The following TPR variants were observed in gnomAD, a reference collection of about 807,000 sequenced individuals.
TPR encodes nucleoprotein TPR.
A neutral mutation model predicts 316.1 loss-of-function variants in TPR; 51 were observed. That is an observed-to-expected ratio of 0.16 (90% confidence interval 0.13 to 0.20). The LOEUF is 0.20. Ranked by LOEUF, TPR falls within the 10% of genes least tolerant of loss-of-function variation. TPR has a pLI of 1.00. For synonymous variants in TPR, 981 were observed against 914.7 expected, an observed-to-expected ratio of 1.07 and a Z score of -1.31; for missense variants, 2,272 against 2,754.8, an observed-to-expected ratio of 0.82 and a Z score of 3.92.
Position 186,356,398 on chromosome 1 carries a change from T to G in TPR, c.1776A>C (p.Gln592His), listed in dbSNP as rs1370980258. ...TTTGATGCTGTCGTGATTTGCGGAG[T>G]TGTTCTAGTTCAGTAAGGGCACTCT... ...KLESALTELE[Q>H]LRKSRQHQMQ... The change falls in exon 15 of 51, where the codon CAA (glutamine) becomes CAC (histidine). Residue 592 changes from glutamine to histidine, a missense_variant. Physicochemically the swap from Gln to His is conservative, Grantham distance 24. Coordinates refer to ENST00000367478, the MANE Select transcript of TPR (RefSeq NM_003292.3). 1.2e-6 allele frequency: 2 copies of G among 1,613,594 alleles called. No individual in the cohort carries two copies. The highest frequency in any genetic ancestry group is 8.5e-7 in the Non-Finnish European group (1 of 1,179,792).
At position 186,358,869 on chromosome 1, in the gene TPR, A is replaced by T. The variant is rs1258451305; in HGVS notation, c.1390-219T>A. Among the ~76,000 whole-genome samples, 4 of 152,250 alleles carry T rather than the reference A, an allele frequency of 2.6e-5. No individual in the cohort carries two copies. The East Asian group carries it at 7.7e-4, about 29-fold the overall frequency. On this transcript the variant is annotated intron_variant, in intron 12 of 50. Transcript: ENST00000367478. ...GCTTCAGGTAAAACCCTCACTTTCA[A>T]CAGAGAGAAAAATTCAAGGAAGATC... is the stretch of plus-strand genomic sequence containing the variant.
intron 46 of TPR, 141 bp downstream of exon 46, chr1:186,320,171 A>G (rs776817612): frequency 2.0e-4 from 140 of 703,350 alleles, no homozygotes; most frequent in Non-Finnish European, 2.7e-4. Context: ...AGTATACTAC[A>G]GCATTTAAAA....
chr1:186,337,341 A>G (rs986722681), intron 31 of TPR, among the ~76,000 whole-genome samples, 185 bp from the exon 32 acceptor site: 1 of 152,230 alleles, frequency 6.6e-6, no homozygotes, highest in Admixed American at 6.5e-5. Flanking sequence ...GGTTTTCCAC[A>G]TAACTGAATA....
At position 186,360,254 on chromosome 1, in the gene TPR, C is replaced by T; in HGVS notation, c.1191+19G>A. ...TTGCTGAAGAAAAAGAATTTAACAA[C>T]ATTTAATACCATTCTTACCTCAGTT... On this transcript the variant is annotated intron_variant, in intron 11 of 50. Coordinates refer to ENST00000367478, the MANE Select transcript of TPR (RefSeq NM_003292.3). 1 of 1,607,298 alleles carries T rather than the reference C, an allele frequency of 6.2e-7. No individual in the cohort carries two copies. The highest frequency in any genetic ancestry group is 8.5e-7 in the Non-Finnish European group (1 of 1,176,666).
chr1:186,361,571 A>G (rs1474934044), intron 9 of TPR, 51 bp downstream of exon 9: 1 of 1,578,384 alleles, frequency 6.3e-7, no homozygotes, highest in Admixed American at 1.8e-5. Context: ...GGTAAAAAAA[A>G]AAAAAGAGTA....
chr1:186,356,165 T>C (rs910982811), intron 15 of TPR, 121 bp downstream of exon 15: 13 of 824,252 alleles, frequency 1.6e-5, no homozygotes, highest in Non-Finnish European at 2.1e-5. Context: ...TTATAAGCAA[T>C]TATATATGGT....
At chr1:186,335,687 CAA>C (rs1257572759) in intron 33 of TPR, 144 bp from the exon 34 acceptor site, 1 of 527,418 alleles carries the variant, frequency 1.9e-6, no homozygotes, top group Admixed American at 3.8e-5. Flanking sequence ...TCTCAATGAG[CAA>C]AGTTCTAAGT....
intron 31 of TPR, among the ~76,000 whole-genome samples, chr1:186,337,690 T>C (rs767310336): frequency 4.9e-4 from 74 of 152,206 alleles, no homozygotes; most frequent in Non-Finnish European, 9.0e-4. Flanking sequence ...CTGAATTTTT[T>C]TGATAGGTGG....
chr1:186,328,495 GT>G (rs1658064590), intron 39 of TPR, among the ~76,000 whole-genome samples: 1 of 151,958 alleles, frequency 6.6e-6, no homozygotes, highest in Non-Finnish European at 1.5e-5. Flanking sequence ...CCATATTTCA[GT>G]TGCTCAATGG....
At position 186,357,327 on chromosome 1, in the gene TPR, A is replaced by G. The variant is rs545824735; in HGVS notation, c.1724+70T>C. On this transcript the variant is annotated intron_variant, in intron 14 of 50. Coordinates refer to ENST00000367478, the MANE Select transcript of TPR (RefSeq NM_003292.3). ...CTCCCAAAACGTTGGGATTACAGGC[A>G]TGAGACACTGAGCCTAGCTGAGGTT... 202 of 1,496,028 alleles carry G rather than the reference A, an allele frequency of 1.4e-4. 3 individuals are homozygous for G. The South Asian group carries it at 2.2e-3, about 16-fold the overall frequency. 92.7% of individuals were successfully genotyped at this position (1,496,028 alleles called of 1,614,324 possible).
intron 27 of TPR, chr1:186,342,457 C>CT (rs1465150193): frequency 6.6e-6 from 1 of 152,186 alleles, no homozygotes; most frequent in Non-Finnish European, 1.5e-5. Context: ...GTTAGAGACT[C>CT]TGATTCTGTC....
chr1:186,330,353 T>C (rs1658121506), intron 39 of TPR, among the ~76,000 whole-genome samples: 1 of 152,248 alleles, frequency 6.6e-6, no homozygotes, highest in East Asian at 1.9e-4. Context: ...ACTCTGACTG[T>C]AGAGAGCACT....
At chr1:186,316,892 T>C (rs535307867) in intron 49 of TPR, among the ~76,000 whole-genome samples, 1 of 152,334 alleles carries the variant, frequency 6.6e-6, no homozygotes, top group African/African-American at 2.4e-5. Flanking sequence ...TTCTAAAAAA[T>C]AACTTCTATT....
intron 37 of TPR, among the ~76,000 whole-genome samples, chr1:186,332,689 C>G (rs146068810): frequency 6.6e-6 from 1 of 152,202 alleles, no homozygotes; most frequent in African/African-American, 2.4e-5. Flanking sequence ...CTATAAAACT[C>G]AGGACTCCTT....
rs896879858 is a variant in TPR at position 186,375,186 on chromosome 1, C to T, written c.-158G>A. ...CCGCCGGAGACTCCCGCGGCGGGACCCTGGGAAATCGAGTCCACCCTCAGC... is the reference window on the plus strand; with the variant it reads ...CCGCCGGAGACTCCCGCGGCGGGACTCTGGGAAATCGAGTCCACCCTCAGC... On this transcript the variant is annotated 5_prime_UTR_variant, in exon 1 of 51. Coordinates refer to ENST00000367478, the MANE Select transcript of TPR (RefSeq NM_003292.3). The T allele has an allele frequency of 6.5e-7, 1 of 1,531,816 alleles. No homozygotes were observed. 94.9% of individuals were successfully genotyped at this position (1,531,816 alleles called of 1,614,324 possible).
intron 39 of TPR, among the ~76,000 whole-genome samples, chr1:186,329,011 T>C (rs1658078011): frequency 6.6e-6 from 1 of 152,072 alleles, no homozygotes; most frequent in African/African-American, 2.4e-5. Context: ...ATGGTATAAT[T>C]TAAAAAGTGC....
At chr1:186,319,874 T>A (rs574036743) in intron 46 of TPR, among the ~76,000 whole-genome samples, 1 of 152,196 alleles carries the variant, frequency 6.6e-6, no homozygotes, top group African/African-American at 2.4e-5. Context: ...TTATTTTTTG[T>A]TTTTTTAAGT....
intron 37 of TPR, among the ~76,000 whole-genome samples, chr1:186,332,773 T>C (rs1478446151): frequency 6.6e-6 from 1 of 152,154 alleles, no homozygotes; most frequent in Non-Finnish European, 1.5e-5. Flanking sequence ...TCCTCAGGAC[T>C]TCCGTTAAAT....
chr1:186,322,214 G>C (rs1657794876), intron 45 of TPR, 104 bp downstream of exon 45: 2 of 1,093,662 alleles, frequency 1.8e-6, no homozygotes, highest in African/African-American at 1.6e-5. Context: ...ACATAGTAGA[G>C]AGGGACTCAA....
Sources: gnomAD v4.1 joint callset for allele counts (sites outside exome capture counted in the v4.1 genomes callset) on GRCh38, gnomAD v4.1.1 for gene constraint, MANE v1.5 for transcripts, NCBI Gene and HGNC (gene_info 2026-07-23, HGNC 2026-07-21) for gene names.